Variants in MPP7 observed in about 807,000 individuals in gnomAD.
MPP7 encodes MAGUK p55 scaffold protein 7, also known as MAGUK p55 subfamily member 7.
MPP7 carries 60 observed loss-of-function variants against 76.5 expected under a neutral mutation model. The ratio of observed to expected loss-of-function variants is 0.78; its 90% confidence interval spans 0.64 to 0.97. MPP7 has a LOEUF of 0.97. MPP7 is among the 50% of genes least tolerant of loss of function. The probability of loss-of-function intolerance (pLI) is 0.00; values close to 1 mark genes in which losing one functional copy is unlikely to be tolerated. For missense variants in MPP7, 641 were observed against 694.0 expected, an observed-to-expected ratio of 0.92 and a Z score of 0.86; for synonymous variants, 237 against 244.5, an observed-to-expected ratio of 0.97 and a Z score of 0.29.
intron 6 of MPP7, 122 bp downstream of exon 6, chr10:28,131,438 G>T: frequency 1.2e-6 from 1 of 852,718 alleles, no homozygotes; most frequent in Non-Finnish European, 1.6e-6. Flanking sequence ...AGACATCAAT[G>T]TTCCATTTCT....
chr10:28,317,784 A>G (rs948818473), intron 2 of MPP7, among the ~76,000 whole-genome samples: 3 of 152,208 alleles, frequency 2.0e-5, no homozygotes, highest in African/African-American at 7.2e-5. Context: ...GGTGGCCGCC[A>G]TGCCTGGTCC....
intron 2 of MPP7, among the ~76,000 whole-genome samples, chr10:28,327,956 T>G (rs1459634771): frequency 2.0e-5 from 3 of 152,178 alleles, no homozygotes; most frequent in Non-Finnish European, 4.4e-5. Flanking sequence ...AAGGAAATGT[T>G]TTTGTATCTT....
chr10:28,298,824 T>A (rs1336885045), intron 1 of MPP7, among the ~76,000 whole-genome samples: 2 of 152,256 alleles, frequency 1.3e-5, no homozygotes, highest in Non-Finnish European at 2.9e-5. Flanking sequence ...CTGGATAACA[T>A]GCTACAGCTT....
At chr10:28,082,404 C>G (rs980269918) in intron 12 of MPP7, among the ~76,000 whole-genome samples, 6 of 151,656 alleles carry the variant, frequency 4.0e-5, no homozygotes, top group African/African-American at 1.2e-4. Context: ...CCCTTCTTCT[C>G]CTTCTCCTCC....
intron 2 of MPP7, among the ~76,000 whole-genome samples, chr10:28,211,849 A>C (rs1838148819): frequency 6.6e-6 from 1 of 152,102 alleles, no homozygotes. Flanking sequence ...CAGATCACAC[A>C]GGGCCTGAAA....
chr10:28,145,452 A>C (rs1322187285), intron 5 of MPP7, among the ~76,000 whole-genome samples: 3 of 152,176 alleles, frequency 2.0e-5, no homozygotes, highest in African/African-American at 7.2e-5. Flanking sequence ...ACAATCACAA[A>C]AAGATTTTAG....
At chr10:28,312,154 A>T (rs11007008) in intron 2 of MPP7, among the ~76,000 whole-genome samples, 1 of 151,844 alleles carries the variant, frequency 6.6e-6, no homozygotes, top group African/African-American at 2.4e-5. Context: ...ACCTGAGCTG[A>T]TTGTCGCTGC....
intron 1 of MPP7, among the ~76,000 whole-genome samples, chr10:28,265,329 C>T (rs1378743537): frequency 6.6e-6 from 1 of 152,074 alleles, no homozygotes; most frequent in African/African-American, 2.4e-5. Flanking sequence ...GAGGCCAAGG[C>T]GGGGGGACTG....
chr10:28,311,197 A>AT (rs1054348867), intron 2 of MPP7, among the ~76,000 whole-genome samples: 11 of 151,990 alleles, frequency 7.2e-5, no homozygotes, highest in African/African-American at 2.7e-4. Flanking sequence ...CATTATATTT[A>AT]TTTTTTTCTA....
chr10:28,069,752 C>T lies in MPP7; in HGVS notation c.1204+20G>A. On this transcript the variant is annotated intron_variant, in intron 13 of 16. Transcript: ENST00000683449. ...TATCGTAAGTGTAGTCATAGGAACACTGAGTAGCGCAGAACTCACGGGGCA... is the reference window on the plus strand; with the variant it reads ...TATCGTAAGTGTAGTCATAGGAACATTGAGTAGCGCAGAACTCACGGGGCA... 6.3e-7 allele frequency: 1 copy of T among 1,588,876 alleles called. No homozygotes were observed. The highest frequency in any genetic ancestry group is 8.6e-7 in the Non-Finnish European group (1 of 1,160,230).
intron 3 of MPP7, among the ~76,000 whole-genome samples, chr10:28,158,646 C>T (rs1295218307): frequency 6.6e-6 from 1 of 152,132 alleles, no homozygotes; most frequent in East Asian, 1.9e-4. Context: ...CAGTAGAGGC[C>T]GACAGTTGCT....
intron 11 of MPP7, among the ~76,000 whole-genome samples, chr10:28,095,234 T>C (rs2133481681): frequency 6.8e-6 from 1 of 146,868 alleles, no homozygotes; most frequent in Non-Finnish European, 1.5e-5. Context: ...CAGAAACATA[T>C]ATACATGTAC....
chr10:28,264,399 A>G lies in MPP7; in HGVS notation c.-131-25664T>C, dbSNP rs7094411. 4.3e-3 allele frequency among the ~76,000 whole-genome samples: 652 copies of G among 152,230 alleles called. 5 individuals carry two copies. Among genetic ancestry groups the G allele is most frequent in the African/African-American group, 0.014 (589 of 41,530 alleles). The stretch of plus-strand genomic sequence containing the variant: ...TGGCAAAAAAATAAGGAAAAATGCA[A>G]GAAATCTAGTGCCCAGCCCTGAGAC... On this transcript the variant is annotated intron_variant, in intron 1 of 16. Coordinates refer to ENST00000683449, the MANE Select transcript of MPP7 (RefSeq NM_001318170.2).
At chr10:28,197,985 T>C (rs900646117) in intron 3 of MPP7, among the ~76,000 whole-genome samples, 7 of 152,348 alleles carry the variant, frequency 4.6e-5, no homozygotes, top group Admixed American at 6.5e-5. Context: ...TCATTACTTG[T>C]ATAAGGCTGA....
intron 2 of MPP7, among the ~76,000 whole-genome samples, chr10:28,228,675 C>T (rs1310929377): frequency 6.6e-6 from 1 of 151,912 alleles, no homozygotes; most frequent in Admixed American, 6.6e-5. Context: ...GAGGCAGAAT[C>T]GCTTGAACCC....
chr10:28,119,712 T>C lies in MPP7; in HGVS notation c.891A>G (p.Arg297=), dbSNP rs1009960865. 1.9e-6 allele frequency: 3 copies of C among 1,613,292 alleles called. No individual in the cohort carries two copies. ...LIPSKHFQER[R]LALRRPEILV... is the part of the protein sequence containing the mutation. Reference sequence around the variant, plus strand: ...ATATTTCTGGTCGTCTCAAAGCCAATCTCCTGGGAGAAAGAAGGTCAACAT... The same window carrying C: ...ATATTTCTGGTCGTCTCAAAGCCAACCTCCTGGGAGAAAGAAGGTCAACAT... The change falls in exon 11 of 17, where the codon AGA becomes AGG. Residue 297 remains arginine, a synonymous_variant. Transcript: ENST00000683449.
intron 11 of MPP7, among the ~76,000 whole-genome samples, chr10:28,110,204 C>T (rs1023713296): frequency 6.6e-6 from 1 of 151,984 alleles, no homozygotes; most frequent in Non-Finnish European, 1.5e-5. Flanking sequence ...ATTCTCCTGC[C>T]TCTGCCTCCT....
chr10:28,323,685 C>CA (rs1342086737), intron 2 of MPP7, among the ~76,000 whole-genome samples: 1 of 128,788 alleles, frequency 7.8e-6, no homozygotes, highest in South Asian at 2.3e-4. Flanking sequence ...TTGCTACACA[C>CA]AAAAAATAAT....
At chr10:28,219,038 T>C (rs1190008967) in intron 2 of MPP7, among the ~76,000 whole-genome samples, 1 of 152,116 alleles carries the variant, frequency 6.6e-6, no homozygotes, top group Non-Finnish European at 1.5e-5. Flanking sequence ...ATTCTGAAAA[T>C]ACAAGGAAAA....
Sources: gnomAD v4.1 joint callset for allele counts (sites outside exome capture counted in the v4.1 genomes callset) on GRCh38, gnomAD v4.1.1 for gene constraint, MANE v1.5 for transcripts, NCBI Gene and HGNC (gene_info 2026-07-23, HGNC 2026-07-21) for gene names.